The following KCNC2 variants were observed in gnomAD, a reference collection of about 807,000 sequenced individuals.
KCNC2 encodes the protein potassium voltage-gated channel subfamily C member 2, also known as voltage-gated potassium channel KCNC2.
KCNC2 carries 21 observed loss-of-function variants against 44.5 expected under a neutral mutation model. The ratio of observed to expected loss-of-function variants is 0.47; its 90% CI spans 0.33 to 0.68. KCNC2 has a LOEUF of 0.68. KCNC2 is among the 30% of genes least tolerant of loss of function. The pLI, the probability that KCNC2 is intolerant of heterozygous loss-of-function variation, is 0.01. For missense variants in KCNC2, 589 were observed against 826.2 expected (o/e 0.71, Z 3.52); for synonymous variants, 391 against 339.1 (o/e 1.15, Z -1.68).
chr12:75,204,735 C>A (rs777673893), intron 2 of KCNC2, among the ~76,000 whole-genome samples: 1 of 152,018 alleles, frequency 6.6e-6, no homozygotes. Context: ...AGTCAGATAA[C>A]GTTGTCAGGT....
At chr12:75,053,399 G>GTGTA (rs60991428) in intron 2 of KCNC2, among the ~76,000 whole-genome samples, 4 of 151,986 alleles carry the variant, frequency 2.6e-5, no homozygotes, top group African/African-American at 9.7e-5. Context: ...GTGCGTGTGT[G>GTGTA]TTTGTGTGTA....
At chr12:75,174,641 T>C (rs1350514) in intron 2 of KCNC2, among the ~76,000 whole-genome samples, 4,574 of 151,892 alleles carry the variant, frequency 0.03, 232 homozygotes, top group African/African-American at 0.11. Context: ...AATCCAGGCT[T>C]TACTTGGAGT....
At chr12:75,195,976 T>C (rs980770889) in intron 2 of KCNC2, among the ~76,000 whole-genome samples, 1 of 152,136 alleles carries the variant, frequency 6.6e-6, no homozygotes, top group Non-Finnish European at 1.5e-5. Context: ...AAACAGTCCA[T>C]GCCTTCCTTT....
chr12:75,173,328 G>T (rs1374712456), intron 2 of KCNC2, among the ~76,000 whole-genome samples: 4 of 151,808 alleles, frequency 2.6e-5, no homozygotes, highest in Non-Finnish European at 2.9e-5. Flanking sequence ...TCACATCAGA[G>T]TAGAGTGGTT....
chr12:75,196,020 T>G (rs913677290), intron 2 of KCNC2, among the ~76,000 whole-genome samples: 1 of 152,114 alleles, frequency 6.6e-6, no homozygotes, highest in African/African-American at 2.4e-5. Flanking sequence ...TCCCACTGTC[T>G]GAAAAATCTA....
intron 2 of KCNC2, among the ~76,000 whole-genome samples, chr12:75,154,767 A>G (rs1205844149): frequency 1.3e-5 from 2 of 152,034 alleles, no homozygotes; most frequent in Non-Finnish European, 2.9e-5. Flanking sequence ...ATTTGATGTC[A>G]TTTTATAAAT....
chr12:75,103,390 C>A (rs1304446040), intron 2 of KCNC2, among the ~76,000 whole-genome samples: 1 of 152,162 alleles, frequency 6.6e-6, no homozygotes, highest in African/African-American at 2.4e-5. Context: ...TCACCAGTAA[C>A]TTTGTATAAG....
At position 75,042,274 on chromosome 12, in the gene KCNC2, AGT is replaced by A; in HGVS notation, c.*829_*830del. 1 of 1,608,968 alleles carries A rather than the reference AGT, an allele frequency of 6.2e-7. No homozygotes were observed. The highest frequency in any genetic ancestry group is 8.5e-7 in the Non-Finnish European group (1 of 1,177,412). Reference sequence around the variant, plus strand: ...GCTAAACAATGCAAGCCTGGCTGGCAGTTACCTTTCTCTCATGTTTTGTGCCT... The same window carrying A: ...GCTAAACAATGCAAGCCTGGCTGGCATACCTTTCTCTCATGTTTTGTGCCT... On this transcript the variant is annotated 3_prime_UTR_variant, in exon 5 of 5. Transcript: ENST00000549446.
At chr12:75,182,252 G>A (rs867535583) in intron 2 of KCNC2, among the ~76,000 whole-genome samples, 63 of 151,614 alleles carry the variant, frequency 4.2e-4, no homozygotes, top group African/African-American at 1.2e-3. Flanking sequence ...ATGGCCGGGG[G>A]TGGTGGCTCA....
chr12:75,041,446 T>C lies in KCNC2; in HGVS notation c.*1659A>G, dbSNP rs1416797773. On this transcript the variant is annotated 3_prime_UTR_variant, in exon 5 of 5. Transcript: ENST00000549446. The stretch of plus-strand genomic sequence containing the variant: ...GCCAATAATAAAAGTGACAATTGTC[T>C]TCCTAACAAAAAATAAACATGAGAA... The C allele has an allele frequency of 1.6e-6, 2 of 1,270,800 alleles. No individual in the cohort carries two copies. The highest frequency in any genetic ancestry group is 2.0e-6 in the Non-Finnish European group (2 of 1,000,318). 78.7% of individuals were successfully genotyped at this position (1,270,800 alleles called of 1,614,324 possible).
At chr12:75,166,069 C>G (rs1031051346) in intron 2 of KCNC2, among the ~76,000 whole-genome samples, 5 of 151,158 alleles carry the variant, frequency 3.3e-5, no homozygotes, top group African/African-American at 1.2e-4. Flanking sequence ...AAAATATATA[C>G]CACATACCAT....
intron 2 of KCNC2, among the ~76,000 whole-genome samples, chr12:75,098,528 G>C (rs558821245): frequency 2.6e-5 from 4 of 152,110 alleles, no homozygotes; most frequent in African/African-American, 7.2e-5. Context: ...GGAGGCCAAG[G>C]CTGGTGGATC....
At chr12:75,063,444 G>A (rs1882534582) in intron 2 of KCNC2, among the ~76,000 whole-genome samples, 3 of 151,910 alleles carry the variant, frequency 2.0e-5, no homozygotes, top group African/African-American at 4.8e-5. Flanking sequence ...TTATTCAAAT[G>A]CCAAATTATT....
Position 75,041,619 on chromosome 12 carries a change from A to G in KCNC2, c.*1486T>C, listed in dbSNP as rs1341225160. ...TGAATTCATAGGAATGCATAAATAG[A>G]CTTTCTTCCACTCAGACTGAATATG... On this transcript the variant is annotated 3_prime_UTR_variant, in exon 5 of 5. Transcript: ENST00000549446. 2.0e-6 allele frequency: 2 copies of G among 1,022,992 alleles called. No homozygotes were observed. The highest frequency in any genetic ancestry group is 5.1e-5 in the Admixed American group (1 of 19,618). The allele number at this position is 1,022,992 out of a possible 1,614,324, so 63.4% of individuals were successfully genotyped here. A position where few individuals can be genotyped will look rare whatever the true frequency, so the allele number is the denominator to read the frequency against.
At chr12:75,190,381 CT>C (rs2030079660) in intron 2 of KCNC2, among the ~76,000 whole-genome samples, 2 of 152,072 alleles carry the variant, frequency 1.3e-5, no homozygotes, top group African/African-American at 2.4e-5. Context: ...AGTTCTGTTC[CT>C]TTATATTTCA....
rs1463504 is a variant in KCNC2, at chr12:75,079,346, G to A, written c.688-28029C>T. 4.6e-5 allele frequency among the ~76,000 whole-genome samples: 7 copies of A among 151,934 alleles called. No individual in the cohort carries two copies. In the East Asian group the frequency reaches 1.3e-3, roughly 29 times the overall value. The stretch of plus-strand genomic sequence containing the variant: ...AGGAGATGAAGTTTCCTCCACCACT[G>A]GATATAGAGACTACATGTAAAATTT... On this transcript the variant is annotated intron_variant, in intron 2 of 4. Coordinates refer to ENST00000549446, the MANE Select transcript of KCNC2 (RefSeq NM_139137.4).
At position 75,041,320 on chromosome 12, in the gene KCNC2, T is replaced by A. The variant is rs556326983; in HGVS notation, c.*1785A>T. The A allele has an allele frequency of 4.7e-6, 7 of 1,499,392 alleles. No homozygotes were observed. In the East Asian group the frequency reaches 9.9e-5, roughly 21 times the overall value. 92.9% of individuals were successfully genotyped at this position (1,499,392 alleles called of 1,614,324 possible). The stretch of plus-strand genomic sequence containing the variant: ...TCAAAAGAATCACTGTGTCTCTAAA[T>A]ATCATATATGTATGTCTGGATAAAT... On this transcript the variant is annotated 3_prime_UTR_variant, in exon 5 of 5. Coordinates refer to ENST00000549446, the MANE Select transcript of KCNC2 (RefSeq NM_139137.4).
At chr12:75,103,866 T>C (rs1886568670) in intron 2 of KCNC2, among the ~76,000 whole-genome samples, 1 of 152,174 alleles carries the variant, frequency 6.6e-6, no homozygotes, top group African/African-American at 2.4e-5. Context: ...CTATGTGAAA[T>C]GGTCTCTCTC....
intron 2 of KCNC2, among the ~76,000 whole-genome samples, chr12:75,138,980 A>T (rs1162828979): frequency 5.9e-5 from 2 of 34,150 alleles, no homozygotes; most frequent in African/African-American, 4.4e-4. Flanking sequence ...GACTCCGTGT[A>T]AAAAAAAAAA....
Sources: gnomAD v4.1 joint callset for allele counts (sites outside exome capture counted in the v4.1 genomes callset) on GRCh38, gnomAD v4.1.1 for gene constraint, MANE v1.5 for transcripts, NCBI Gene and HGNC (gene_info 2026-07-23, HGNC 2026-07-21) for gene names.